The following SLC44A1 variants were observed in gnomAD, a reference collection of about 807,000 sequenced individuals.
The protein encoded by SLC44A1 is choline transporter-like protein 1.
SLC44A1 carries 26 observed loss-of-function variants against 79.3 expected under a neutral mutation model. The observed-to-expected ratio is 0.33, with a 90% confidence interval of 0.24 to 0.46. SLC44A1 has a LOEUF of 0.46. SLC44A1 is among the 20% of genes least tolerant of loss of function. SLC44A1 has a pLI of 1.00. For synonymous variants in SLC44A1, 263 were observed against 286.2 expected, an observed-to-expected ratio of 0.92 and a Z score of 0.82; for missense variants, 688 against 798.1, an observed-to-expected ratio of 0.86 and a Z score of 1.66.
intron 13 of SLC44A1, among the ~76,000 whole-genome samples, chr9:105,378,403 C>G (rs1828361249): frequency 6.6e-6 from 1 of 152,118 alleles, no homozygotes; most frequent in South Asian, 2.1e-4. Context: ...CTCAGGTTTT[C>G]TGTTTTTTAC....
At chr9:105,332,034 A>G (rs138086095) in intron 3 of SLC44A1, among the ~76,000 whole-genome samples, 20 of 151,818 alleles carry the variant, frequency 1.3e-4, no homozygotes, top group Non-Finnish European at 2.2e-4. Context: ...TCTGTATGTT[A>G]TTTTTAACTT....
chr9:105,371,963 T>C (rs1046067786), intron 12 of SLC44A1, among the ~76,000 whole-genome samples: 3 of 152,168 alleles, frequency 2.0e-5, no homozygotes, highest in East Asian at 3.9e-4. Flanking sequence ...TTTTACTTCA[T>C]TGAGGCACTT....
chr9:105,437,053 C>G (rs1179724463), intron 15 of SLC44A1, among the ~76,000 whole-genome samples: 1 of 152,140 alleles, frequency 6.6e-6, no homozygotes, highest in Non-Finnish European at 1.5e-5. Context: ...TGCAGTGGCT[C>G]TGGGCTTGTT....
rs1828533380 is a variant in SLC44A1 at position 105,383,306 on chromosome 9, A to G, written c.1816A>G (p.Lys606Glu). The change falls in exon 14 of 16, where the codon AAA (lysine) becomes GAA (glutamate). Residue 606 changes from lysine (K) to glutamate (E), a missense_variant. By Grantham distance (56) the Lys-to-Glu change is moderately conservative. Coordinates refer to ENST00000374720, the MANE Select transcript of SLC44A1 (RefSeq NM_080546.5). Reference sequence around the variant, plus strand: ...ATTCTTGTGTTTTGCCATTGATACAAAATACAATGATGGGAGCCCTGGCAG... The same window carrying G: ...ATTCTTGTGTTTTGCCATTGATACAGAATACAATGATGGGAGCCCTGGCAG... ...VLFLCFAIDTKYNDGSPGREF... is the reference protein window; with the variant it reads ...VLFLCFAIDTEYNDGSPGREF... 1.9e-6 allele frequency: 3 copies of G among 1,613,758 alleles called. No homozygotes were observed. The highest frequency in any genetic ancestry group is 8.5e-7 in the Non-Finnish European group (1 of 1,179,610).
Position 105,411,452 on chromosome 9 carries a change from ATGTG to A in SLC44A1, c.1950+25977_1950+25980del, listed in dbSNP as rs143819316. Among the ~76,000 whole-genome samples, 417 of 127,554 alleles carry A rather than the reference ATGTG, an allele frequency of 3.3e-3. 1 individual carries two copies. The highest frequency in any genetic ancestry group is 0.016 in the Middle Eastern group (4 of 256). The allele number at this position is 127,554 out of a possible 152,430, so 83.7% of individuals were successfully genotyped here. ...CATCTCTCTTGGTCTCTCTCTGTGT[ATGTG>A]TGTGTGTGTGTGTGTGTGTGTGTGT... On this transcript the variant is annotated intron_variant, in intron 15 of 15. Transcript: ENST00000374724.
At chr9:105,265,013 C>G (rs956194224) in intron 1 of SLC44A1, among the ~76,000 whole-genome samples, 1 of 152,152 alleles carries the variant, frequency 6.6e-6, no homozygotes, top group Non-Finnish European at 1.5e-5. Context: ...TCAGGCTGGT[C>G]TCGAACTCCT....
chr9:105,248,091 A>G (rs1829500354), intron 1 of SLC44A1, among the ~76,000 whole-genome samples: 1 of 152,238 alleles, frequency 6.6e-6, no homozygotes, highest in Non-Finnish European at 1.5e-5. Flanking sequence ...ATGATAACCT[A>G]CACAACACAT....
chr9:105,311,775 T>G (rs529019339), intron 3 of SLC44A1, among the ~76,000 whole-genome samples: 3 of 152,342 alleles, frequency 2.0e-5, no homozygotes, highest in African/African-American at 7.2e-5. Context: ...CTAACCTACT[T>G]AAGTATTTCT....
At chr9:105,397,472 T>G, downstream of SLC44A1, 113 of 383,696 alleles carry the variant, frequency 2.9e-4, no homozygotes, top group South Asian at 4.3e-4. Context: ...TTCCCAGCTG[T>G]TCCTTTCTGT....
chr9:105,289,895 C>T (rs1440954491), intron 1 of SLC44A1, among the ~76,000 whole-genome samples: 1 of 151,670 alleles, frequency 6.6e-6, no homozygotes, highest in Non-Finnish European at 1.5e-5. Context: ...CTCACTGCCA[C>T]CTCTGCCTCC....
intron 4 of SLC44A1, among the ~76,000 whole-genome samples, chr9:105,344,648 C>T (rs1035826760): frequency 9.9e-5 from 15 of 152,062 alleles, no homozygotes; most frequent in Admixed American, 3.3e-4. Flanking sequence ...CATTTTTTCT[C>T]CACTCAGGAT....
At chr9:105,289,148 C>T (rs117570554) in intron 1 of SLC44A1, among the ~76,000 whole-genome samples, 2,028 of 152,300 alleles carry the variant, frequency 0.013, 26 homozygotes, top group Non-Finnish European at 0.022. Context: ...TCATGCCACT[C>T]CAGTGGTAAG....
chr9:105,362,942 C>CT lies in SLC44A1; in HGVS notation c.1025dup (p.Phe343LeufsTer27). 4 of 1,613,928 alleles carry CT rather than the reference C, an allele frequency of 2.5e-6. No homozygotes were observed. The highest frequency in any genetic ancestry group is 2.5e-6 in the Non-Finnish European group (3 of 1,179,902). ...CTGCTAGTCTTCCAACCCTTCTGGACTTTCTTTGCTCTTGTCTTGTTTTGG... is the reference window on the plus strand; with the variant it reads ...CTGCTAGTCTTCCAACCCTTCTGGACTTTTCTTTGCTCTTGTCTTGTTTTGG... On this transcript the variant is annotated frameshift_variant, in exon 9 of 16. Transcript: ENST00000374720. LOFTEE classifies it high-confidence loss of function.
At chr9:105,251,853 T>C (rs1451871944) in intron 1 of SLC44A1, among the ~76,000 whole-genome samples, 3 of 152,196 alleles carry the variant, frequency 2.0e-5, no homozygotes, top group Non-Finnish European at 4.4e-5. Flanking sequence ...TAAACTCTCA[T>C]AGCCTTATGT....
chr9:105,288,037 G>A (rs997138520), intron 1 of SLC44A1, among the ~76,000 whole-genome samples: 1 of 152,110 alleles, frequency 6.6e-6, no homozygotes, highest in African/African-American at 2.4e-5. Flanking sequence ...ATGGAAATCA[G>A]AATGGGAAAA....
intron 1 of SLC44A1, among the ~76,000 whole-genome samples, chr9:105,256,988 G>A (rs1171918524): frequency 6.6e-6 from 1 of 151,916 alleles, no homozygotes; most frequent in Non-Finnish European, 1.5e-5. Context: ...ATTTCACCAT[G>A]TTGGTCAGGC....
intron 12 of SLC44A1, among the ~76,000 whole-genome samples, chr9:105,369,330 C>A (rs181182223): frequency 6.6e-6 from 1 of 152,150 alleles, no homozygotes; most frequent in Non-Finnish European, 1.5e-5. Flanking sequence ...GTGGTTTGTG[C>A]GGGCCTGTTT....
At chr9:105,373,919 T>G (rs1276923707) in intron 12 of SLC44A1, among the ~76,000 whole-genome samples, 1 of 152,232 alleles carries the variant, frequency 6.6e-6, no homozygotes, top group African/African-American at 2.4e-5. Flanking sequence ...CCAATCATTG[T>G]GGCCAGTAGG....
intron 1 of SLC44A1, among the ~76,000 whole-genome samples, chr9:105,273,961 GA>G (rs1430055154): frequency 6.6e-6 from 1 of 152,078 alleles, no homozygotes. Flanking sequence ...ACATGTTAAT[GA>G]ATGTGATAGT....
Sources: allele counts gnomAD v4.1 joint callset (sites outside exome capture counted in the v4.1 genomes callset), GRCh38; gene constraint gnomAD v4.1.1; transcripts MANE v1.5; gene names NCBI Gene and HGNC (gene_info 2026-07-23, HGNC 2026-07-21).